Variants in PTPRD observed in about 807,000 individuals in gnomAD.
PTPRD encodes receptor-type tyrosine-protein phosphatase delta.
A neutral mutation model predicts 214.5 loss-of-function variants in PTPRD; 34 were observed. The ratio of observed to expected loss-of-function variants is 0.16; its 90% CI spans 0.12 to 0.21. The LOEUF is 0.21. PTPRD is among the 10% of genes least tolerant of loss of function. PTPRD has a pLI of 1.00. For synonymous variants in PTPRD, 1,128 were observed against 845.7 expected (o/e 1.33, Z -5.79); for missense variants, 2,545 against 2,398.7 (o/e 1.06, Z -1.27).
intron 3 of PTPRD, among the ~76,000 whole-genome samples, chr9:10,039,957 T>C (rs2097265545): frequency 6.6e-6 from 1 of 152,094 alleles, no homozygotes; most frequent in Admixed American, 6.6e-5. Flanking sequence ...ATTCAGAAGC[T>C]TAAATGCCAT....
At chr9:8,583,638 T>C (rs1243951750) in intron 14 of PTPRD, among the ~76,000 whole-genome samples, 1 of 152,230 alleles carries the variant, frequency 6.6e-6, no homozygotes, top group Non-Finnish European at 1.5e-5. Flanking sequence ...TATATGCACA[T>C]GTAGGTGTAA....
Position 9,660,353 on chromosome 9 carries a change from A to G in PTPRD, c.-287+74180T>C, listed in dbSNP as rs192420989. ...GAGGTAAGGGGGCAAGCAAGAGGAC[A>G]GGTTAAAGAGTTATTTCAGCTACCT... is the stretch of plus-strand genomic sequence containing the variant. On this transcript the variant is annotated intron_variant, in intron 7 of 45. Coordinates refer to ENST00000381196, the MANE Select transcript of PTPRD (RefSeq NM_002839.4). Among the ~76,000 whole-genome samples, 428 of 152,106 alleles carry G rather than the reference A, an allele frequency of 2.8e-3. 1 individual carries two copies. Among genetic ancestry groups the G allele is most frequent in the African/African-American group, 9.5e-3 (393 of 41,534 alleles).
At chr9:9,216,921 T>A (rs1351937724) in intron 9 of PTPRD, among the ~76,000 whole-genome samples, 1 of 152,150 alleles carries the variant, frequency 6.6e-6, no homozygotes, top group Non-Finnish European at 1.5e-5. Flanking sequence ...TTCTTCTGAA[T>A]TATTTCTATT....
chr9:8,858,822 CACACACAT>C (rs965105534), intron 11 of PTPRD, among the ~76,000 whole-genome samples: 6 of 145,502 alleles, frequency 4.1e-5, no homozygotes, highest in Admixed American at 6.7e-5. Context: ...CACACACACA[CACACACAT>C]ACACACACAC....
chr9:8,579,281 G>A (rs1396135019), intron 14 of PTPRD, among the ~76,000 whole-genome samples: 1 of 152,018 alleles, frequency 6.6e-6, no homozygotes, highest in Admixed American at 6.5e-5. Context: ...TTTTCTCTTG[G>A]ATCTAATGCT....
intron 9 of PTPRD, among the ~76,000 whole-genome samples, chr9:9,302,098 G>C (rs1285561704): frequency 6.6e-6 from 1 of 152,006 alleles, no homozygotes; most frequent in Non-Finnish European, 1.5e-5. Flanking sequence ...AAATGTCAAG[G>C]GTTATCTATA....
At chr9:9,447,722 G>T (rs2090916136) in intron 8 of PTPRD, among the ~76,000 whole-genome samples, 1 of 152,094 alleles carries the variant, frequency 6.6e-6, no homozygotes, top group South Asian at 2.1e-4. Context: ...AATAAAACAT[G>T]TGTCATTTGA....
chr9:10,101,115 G>A (rs2098547673), intron 3 of PTPRD, among the ~76,000 whole-genome samples: 1 of 151,538 alleles, frequency 6.6e-6, no homozygotes, highest in African/African-American at 2.4e-5. Context: ...GGGACTGACT[G>A]AAAGTTTCTC....
intron 5 of PTPRD, among the ~76,000 whole-genome samples, chr9:9,872,892 T>C (rs2065868729): frequency 2.0e-5 from 3 of 152,240 alleles, no homozygotes; most frequent in Middle Eastern, 3.4e-3. Context: ...TATTCAATCA[T>C]ATCCGCAAGC....
intron 4 of PTPRD, among the ~76,000 whole-genome samples, chr9:10,024,621 C>CT (rs914888284): frequency 2.0e-5 from 3 of 151,486 alleles, no homozygotes; most frequent in South Asian, 4.2e-4. Flanking sequence ...TTTTATGATT[C>CT]TTTTTTTTAA....
intron 11 of PTPRD, among the ~76,000 whole-genome samples, chr9:8,810,549 CCAAT>C (rs1469552662): frequency 6.6e-6 from 1 of 152,112 alleles, no homozygotes; most frequent in Non-Finnish European, 1.5e-5. Context: ...CAGCTGAAGC[CCAAT>C]CAGTTTCTCT....
At chr9:8,937,012 TG>T (rs2099002254) in intron 11 of PTPRD, among the ~76,000 whole-genome samples, 1 of 152,184 alleles carries the variant, frequency 6.6e-6, no homozygotes, top group Non-Finnish European at 1.5e-5. Flanking sequence ...ATAAAGTATT[TG>T]GATAGATGTT....
chr9:9,934,227 T>C (rs1395816009), intron 5 of PTPRD, among the ~76,000 whole-genome samples: 2 of 146,544 alleles, frequency 1.4e-5, no homozygotes, highest in Non-Finnish European at 3.0e-5. Context: ...ATAAGTAAGA[T>C]CAGAGCAGAA....
intron 5 of PTPRD, among the ~76,000 whole-genome samples, chr9:9,866,911 GTTTTTGC>G (rs2064110039): frequency 6.6e-6 from 1 of 152,062 alleles, no homozygotes; most frequent in Non-Finnish European, 1.5e-5. Context: ...AACCGCAACA[GTTTTTGC>G]TTTTTGGTGG....
At chr9:9,102,345 C>G (rs2099792534) in intron 10 of PTPRD, among the ~76,000 whole-genome samples, 1 of 152,132 alleles carries the variant, frequency 6.6e-6, no homozygotes, top group African/African-American at 2.4e-5. Flanking sequence ...ACAGGTAGTG[C>G]CTGAGTAGGG....
chr9:10,330,728 T>C (rs962911070), intron 3 of PTPRD, among the ~76,000 whole-genome samples: 1 of 151,790 alleles, frequency 6.6e-6, no homozygotes, highest in Non-Finnish European at 1.5e-5. Flanking sequence ...GGATGTAGGG[T>C]GTTAGGCTCA....
intron 39 of PTPRD, among the ~76,000 whole-genome samples, chr9:8,346,099 C>A (rs906656286): frequency 6.6e-6 from 1 of 151,994 alleles, no homozygotes; most frequent in Non-Finnish European, 1.5e-5. Flanking sequence ...TCTGCTCCTC[C>A]CACTCTCAGG....
chr9:9,006,422 A>C (rs1465346471), intron 11 of PTPRD, among the ~76,000 whole-genome samples: 2 of 152,080 alleles, frequency 1.3e-5, no homozygotes, highest in African/African-American at 2.4e-5. Flanking sequence ...GGCACAAATC[A>C]TTCATTCCCT....
At chr9:9,381,098 T>C (rs1262542175) in intron 9 of PTPRD, among the ~76,000 whole-genome samples, 3 of 152,150 alleles carry the variant, frequency 2.0e-5, no homozygotes, top group Non-Finnish European at 2.9e-5. Flanking sequence ...GGCTTCCCTA[T>C]AGACAACATA....
Sources: allele counts gnomAD v4.1 joint callset (sites outside exome capture counted in the v4.1 genomes callset), GRCh38; gene constraint gnomAD v4.1.1; transcripts MANE v1.5; gene names NCBI Gene and HGNC (gene_info 2026-07-23, HGNC 2026-07-21).